The following FDFT1 variants were observed in gnomAD, a reference collection of about 807,000 sequenced individuals.
FDFT1 encodes the protein squalene synthase.
FDFT1 carries 68 observed loss-of-function variants against 46.8 expected under a neutral mutation model. That is an observed-to-expected ratio of 1.45 (90% CI 1.19 to 1.78). The LOEUF (loss-of-function observed/expected upper bound fraction) is 1.78, where lower values mean the gene tolerates loss of function less well. Among genes scored for constraint, FDFT1 ranks in the 40% most tolerant of loss-of-function variants. The probability of loss-of-function intolerance (pLI) is 0.00; values close to 1 mark genes in which losing one functional copy is unlikely to be tolerated. For synonymous variants in FDFT1, 351 were observed against 185.1 expected (o/e 1.90, Z -7.28); for missense variants, 928 against 524.4 (o/e 1.77, Z -7.52).
In FDFT1 at chr8:11,831,608, C is replaced by T. The variant is rs544972573; in HGVS notation, c.970C>T (p.Leu324=). The change falls in exon 7 of 8, where the codon CTG becomes TTG. Residue 324 remains leucine (L), a synonymous_variant. Transcript: ENST00000220584. ...VKIRKGQAVT[L]MMDATNMPAV... is the part of the protein sequence containing the mutation. ...GATTCGGAAAGGGCAAGCAGTGACC[C>T]TGATGATGGATGCCACCAATATGCC... The T allele has an allele frequency of 1.9e-6, 3 of 1,613,956 alleles. No homozygotes were observed. The African/African-American group carries it at 4.0e-5, about 22-fold the overall frequency.
chr8:11,807,732 A>G (rs915096628), intron 1 of FDFT1, among the ~76,000 whole-genome samples: 2 of 152,250 alleles, frequency 1.3e-5, no homozygotes, highest in South Asian at 2.1e-4. Context: ...GCTGCATTGC[A>G]TTAATTTCGA....
chr8:11,838,528 G>C lies in FDFT1; in HGVS notation c.1173G>C (p.Met391Ile). 6.2e-7 allele frequency: 1 copy of C among 1,610,204 alleles called. No individual in the cohort carries two copies. Among genetic ancestry groups the C allele is most frequent in the Non-Finnish European group, 8.5e-7 (1 of 1,178,016 alleles). The change falls in exon 8 of 8, where the codon ATG becomes ATC. Residue 391 changes from methionine to isoleucine, a missense_variant. Transcript: ENST00000220584. ...HYSPIYLSFV[M>I]LLAALSWQYL... Reference sequence around the variant, plus strand: ...CCCCCATCTACCTGTCGTTTGTCATGCTTTTGGCTGCCCTGAGCTGGCAGT... The same window carrying C: ...CCCCCATCTACCTGTCGTTTGTCATCCTTTTGGCTGCCCTGAGCTGGCAGT...
intron 3 of FDFT1, among the ~76,000 whole-genome samples, chr8:11,816,467 C>T (rs942892414): frequency 2.0e-5 from 3 of 152,194 alleles, no homozygotes; most frequent in African/African-American, 7.2e-5. Context: ...GCAGTATAGC[C>T]ATTTTCACGA....
rs556157982 is a variant in FDFT1, at chr8:11,834,905, C to T, written c.1032+3235C>T. On this transcript the variant is annotated intron_variant, in intron 7 of 7. Transcript: ENST00000220584. ...TTGGGAGGCTGAGGCAGGCAGATCA[C>T]TTGAGGTAAGGAGTTCGAGACCAGC... is the stretch of plus-strand genomic sequence containing the variant. 3.3e-5 allele frequency among the ~76,000 whole-genome samples: 5 copies of T among 152,336 alleles called. No individual in the cohort carries two copies. The South Asian group carries it at 1.0e-3, about 32-fold the overall frequency.
At chr8:11,804,999 C>T (rs1199402163) in intron 1 of FDFT1, among the ~76,000 whole-genome samples, 1 of 144,198 alleles carries the variant, frequency 6.9e-6, no homozygotes, top group African/African-American at 2.6e-5. Flanking sequence ...GTTTTGACTT[C>T]CTTGGCTGAA....
chr8:11,810,813 G>T (rs1376947354), intron 3 of FDFT1, among the ~76,000 whole-genome samples: 1 of 151,710 alleles, frequency 6.6e-6, no homozygotes, highest in African/African-American at 2.4e-5. Context: ...TTGGAGAACA[G>T]TCCTTATGTT....
chr8:11,820,805 CCT>C, intron 3 of FDFT1, among the ~76,000 whole-genome samples: 1 of 152,336 alleles, frequency 6.6e-6, no homozygotes, highest in Middle Eastern at 3.4e-3. Context: ...AGGGAAATCC[CCT>C]GACCCCTTGC....
At position 11,802,810 on chromosome 8, in the gene FDFT1, G is replaced by C. The variant is rs1458503155; in HGVS notation, c.-23G>C. ...GACCGCAGAGGTGAGAGTCGCGCCC[G>C]GGAGTCCGCCGCCTGCGCCAGGATG... is the stretch of plus-strand genomic sequence containing the variant. On this transcript the variant is annotated 5_prime_UTR_variant, in exon 1 of 8. Coordinates refer to ENST00000220584, the MANE Select transcript of FDFT1 (RefSeq NM_004462.5). The C allele has an allele frequency of 2.5e-6, 4 of 1,588,664 alleles. No individual in the cohort carries two copies. In the East Asian group the frequency reaches 9.0e-5, roughly 36 times the overall value.
chr8:11,826,292 G>A (rs1347559921), intron 5 of FDFT1, 77 bp downstream of exon 5: 4 of 1,204,548 alleles, frequency 3.3e-6, no homozygotes, highest in Non-Finnish European at 4.6e-6. Flanking sequence ...TGTGGTTGCG[G>A]GTGACAGAAA....
At chr8:11,805,780 C>T (rs943406999) in intron 1 of FDFT1, among the ~76,000 whole-genome samples, 2 of 152,204 alleles carry the variant, frequency 1.3e-5, no homozygotes, top group Admixed American at 6.5e-5. Flanking sequence ...CTACTTCACA[C>T]TGACTAGGGT....
In FDFT1 at chr8:11,802,821, G is replaced by T. The variant is rs906862601; in HGVS notation, c.-12G>T. The T allele has an allele frequency of 1.9e-6, 3 of 1,602,016 alleles. No homozygotes were observed. Among genetic ancestry groups the T allele is most frequent in the Non-Finnish European group, 2.6e-6 (3 of 1,173,416 alleles). Reference sequence around the variant, plus strand: ...TGAGAGTCGCGCCCGGGAGTCCGCCGCCTGCGCCAGGATGGAGTTCGTGAA... The same window carrying T: ...TGAGAGTCGCGCCCGGGAGTCCGCCTCCTGCGCCAGGATGGAGTTCGTGAA... On this transcript the variant is annotated 5_prime_UTR_variant, in exon 1 of 8. Transcript: ENST00000220584.
At chr8:11,834,823 C>T (rs1811319512) in intron 7 of FDFT1, among the ~76,000 whole-genome samples, 1 of 152,130 alleles carries the variant, frequency 6.6e-6, no homozygotes. Flanking sequence ...TTATAGGAGC[C>T]TGTGTCATTT....
chr8:11,805,833 G>A (rs1365194144), intron 1 of FDFT1, among the ~76,000 whole-genome samples: 1 of 152,198 alleles, frequency 6.6e-6, no homozygotes, highest in Non-Finnish European at 1.5e-5. Flanking sequence ...CACTAAAAAT[G>A]CTAAATTCTG....
At chr8:11,809,259 C>A (rs1619667) in intron 2 of FDFT1, 1 of 1,134,876 alleles carries the variant, frequency 8.8e-7, no homozygotes. Flanking sequence ...CCTCTGTGCA[C>A]ATTACACCCA....
rs529021450 is a variant in FDFT1 at position 11,820,215 on chromosome 8, G to C, written c.382-1535G>C. On this transcript the variant is annotated intron_variant, in intron 3 of 7. Coordinates refer to ENST00000220584, the MANE Select transcript of FDFT1 (RefSeq NM_004462.5). ...TCGCGGCCTGATCCTTCCTCTGGAA[G>C]CTTCGTCCAAGAAGGACACCCACCT... Among the ~76,000 whole-genome samples, 43 of 152,248 alleles carry C rather than the reference G, an allele frequency of 2.8e-4. 1 individual carries two copies. The South Asian group carries it at 8.1e-3, about 29-fold the overall frequency.
At chr8:11,824,537 C>A (rs895636086) in intron 4 of FDFT1, among the ~76,000 whole-genome samples, 1 of 152,146 alleles carries the variant, frequency 6.6e-6, no homozygotes, top group African/African-American at 2.4e-5. Context: ...AAGCGAGCCT[C>A]CTACTTCAGC....
chr8:11,820,463 C>G (rs1245540588), intron 3 of FDFT1, among the ~76,000 whole-genome samples: 1 of 145,704 alleles, frequency 6.9e-6, no homozygotes, highest in Middle Eastern at 3.2e-3. Context: ...GAGATGCAAT[C>G]TAGAGAGGCA....
At chr8:11,796,059 A>G (rs867228232) in intron 1 of FDFT1, 4 of 152,362 alleles carry the variant, frequency 2.6e-5, no homozygotes, top group East Asian at 1.9e-4. Flanking sequence ...GATAACTGAC[A>G]TTGTGAAAAA....
chr8:11,831,648 T>C lies in FDFT1; in HGVS notation c.1010T>C (p.Ile337Thr). Reference sequence around the variant, plus strand: ...ACCAATATGCCAGCTGTCAAAGCCATCATATATCAGTATATGGAAGAGGTG... The same window carrying C: ...ACCAATATGCCAGCTGTCAAAGCCACCATATATCAGTATATGGAAGAGGTG... Reference protein sequence around the residue: ...DATNMPAVKAIIYQYMEEIYH... With the variant: ...DATNMPAVKATIYQYMEEIYH... The change falls in exon 7 of 8, where the codon ATC (isoleucine) becomes ACC (threonine). Residue 337 changes from isoleucine (I) to threonine (T), a missense_variant. Physicochemically the swap from Ile to Thr is moderately conservative, Grantham distance 89. Transcript: ENST00000220584. 6.2e-7 allele frequency: 1 copy of C among 1,614,028 alleles called. No homozygotes were observed. Among genetic ancestry groups the C allele is most frequent in the Non-Finnish European group, 8.5e-7 (1 of 1,179,844 alleles).
Sources: allele counts gnomAD v4.1 joint callset (sites outside exome capture counted in the v4.1 genomes callset), GRCh38; gene constraint gnomAD v4.1.1; transcripts MANE v1.5; gene names NCBI Gene and HGNC (gene_info 2026-07-23, HGNC 2026-07-21).